NTM: variants seen among roughly 807,000 people sequenced by gnomAD.
NTM encodes IgLON family member 2.
In NTM, 13 loss-of-function variants were observed where a neutral mutation model predicts 42.1. The observed-to-expected ratio is 0.31, with a 90% confidence interval of 0.20 to 0.49. NTM has a LOEUF of 0.49. Among genes scored for constraint, NTM ranks in the 20% least tolerant of loss-of-function variants. The probability of loss-of-function intolerance (pLI) is 0.99; values close to 1 mark genes in which losing one functional copy is unlikely to be tolerated. For synonymous variants in NTM, 187 were observed against 179.2 expected (o/e 1.04, Z -0.35); for missense variants, 373 against 452.8 (o/e 0.82, Z 1.60).
rs115778298 is a variant in NTM, at chr11:132,326,704, A to T, written c.935-3449A>T. Among the ~76,000 whole-genome samples the T allele has an allele frequency of 6.2e-3, 945 of 152,354 alleles. 11 individuals are homozygous for T. Among genetic ancestry groups the T allele is most frequent in the African/African-American group, 0.022 (905 of 41,588 alleles). On this transcript the variant is annotated intron_variant, in intron 7 of 8. Transcript: ENST00000683400. ...TGACAGTTGGATTAGTACAGTCTTC[A>T]GTAGAGCTGCTAGACTCTTGTACAA...
chr11:132,295,369 G>A (rs74984494), intron 4 of NTM, among the ~76,000 whole-genome samples: 11 of 152,014 alleles, frequency 7.2e-5, no homozygotes, highest in Admixed American at 4.6e-4. Context: ...CCCCTTCTAC[G>A]TGCTAAACCT....
At chr11:132,187,911 C>G (rs1010140415) in intron 3 of NTM, among the ~76,000 whole-genome samples, 1 of 152,160 alleles carries the variant, frequency 6.6e-6, no homozygotes, top group African/African-American at 2.4e-5. Context: ...CAAAGAATTG[C>G]AATCTGTCCC....
chr11:132,132,627 T>C (rs763607723), intron 2 of NTM, among the ~76,000 whole-genome samples: 58 of 152,044 alleles, frequency 3.8e-4, no homozygotes, highest in Non-Finnish European at 7.4e-4. Flanking sequence ...TCCTGCGGAG[T>C]CCTTGATACT....
At chr11:132,251,954 A>G (rs139142116) in intron 4 of NTM, among the ~76,000 whole-genome samples, 1 of 152,324 alleles carries the variant, frequency 6.6e-6, no homozygotes, top group Non-Finnish European at 1.5e-5. Context: ...CAGGTGCTCC[A>G]AACCTGAGGC....
chr11:131,428,310 C>T (rs988739105), intron 1 of NTM, among the ~76,000 whole-genome samples: 2 of 152,228 alleles, frequency 1.3e-5, no homozygotes, highest in Non-Finnish European at 2.9e-5. Context: ...ACGTGAACAT[C>T]ACCGTAAGTT....
chr11:132,105,243 C>T (rs117252384), intron 2 of NTM, among the ~76,000 whole-genome samples: 4,224 of 151,632 alleles, frequency 0.028, 79 homozygotes, highest in Middle Eastern at 0.11. Context: ...TAAGATGGAA[C>T]GCCGTTTCCT....
At chr11:131,529,380 C>T (rs1413001777) in intron 1 of NTM, among the ~76,000 whole-genome samples, 6 of 152,224 alleles carry the variant, frequency 3.9e-5, no homozygotes, top group African/African-American at 1.4e-4. Flanking sequence ...CTTGCACGTG[C>T]ACACACAAGA....
Position 132,330,142 on chromosome 11 carries a change from A to ATTTCT in NTM, c.935-7_935-3dup. 1 of 1,551,576 alleles carries ATTTCT rather than the reference A, an allele frequency of 6.4e-7. No individual in the cohort carries two copies. On this transcript the variant is annotated splice_polypyrimidine_tract_variant and intron_variant, in intron 7 of 8. Transcript: ENST00000683400. ...CGACCTTAACAGTGGCTTGTTTTTA[A>ATTTCT]TTTCTTTTAGAAGTGAAAACTACAG...
At chr11:131,462,373 G>A (rs896768363) in intron 1 of NTM, among the ~76,000 whole-genome samples, 6 of 152,144 alleles carry the variant, frequency 3.9e-5, no homozygotes, top group Non-Finnish European at 5.9e-5. Context: ...ACTCAAAATG[G>A]TGACTTTTAC....
intron 1 of NTM, among the ~76,000 whole-genome samples, chr11:131,637,273 T>G (rs1265201368): frequency 1.3e-5 from 2 of 151,652 alleles, no homozygotes; most frequent in Non-Finnish European, 2.9e-5. Flanking sequence ...AAGGCCAGAG[T>G]CACCCTCTGT....
intron 2 of NTM, among the ~76,000 whole-genome samples, chr11:132,050,378 C>T (rs2078681390): frequency 6.6e-6 from 1 of 152,158 alleles, no homozygotes; most frequent in South Asian, 2.1e-4. Context: ...CAGCCCACCC[C>T]TACGAGGATT....
intron 1 of NTM, among the ~76,000 whole-genome samples, chr11:131,673,607 C>G (rs543435607): frequency 6.6e-6 from 1 of 152,314 alleles, no homozygotes; most frequent in Admixed American, 6.5e-5. Flanking sequence ...GCTTGCTGCT[C>G]TAATTTTGTC....
chr11:132,055,969 C>T (rs1247456599), intron 2 of NTM, among the ~76,000 whole-genome samples: 2 of 152,200 alleles, frequency 1.3e-5, no homozygotes, highest in South Asian at 2.1e-4. Context: ...TGTAGTTCTA[C>T]GTTAGAATAT....
At chr11:131,889,381 T>C (rs1024649182) in intron 1 of NTM, among the ~76,000 whole-genome samples, 1 of 152,148 alleles carries the variant, frequency 6.6e-6, no homozygotes, top group African/African-American at 2.4e-5. Flanking sequence ...CCCCAGCCCA[T>C]ACCCCCAGCC....
intron 3 of NTM, among the ~76,000 whole-genome samples, chr11:132,200,386 T>C (rs562514186): frequency 6.6e-6 from 1 of 152,300 alleles, no homozygotes; most frequent in South Asian, 2.1e-4. Context: ...CTGAAACTCT[T>C]CTCAGGGCTA....
At chr11:131,793,605 C>G (rs1003717870) in intron 1 of NTM, among the ~76,000 whole-genome samples, 5 of 152,186 alleles carry the variant, frequency 3.3e-5, no homozygotes, top group Admixed American at 3.3e-4. Context: ...AAAGTCTAAA[C>G]AGCACTTACC....
chr11:132,296,750 T>A (rs750167670), intron 4 of NTM, among the ~76,000 whole-genome samples: 7 of 152,158 alleles, frequency 4.6e-5, no homozygotes, highest in African/African-American at 9.7e-5. Context: ...AATCGGCTAT[T>A]CTTTTCCTTC....
chr11:132,136,874 G>C (rs1341582114), intron 2 of NTM, among the ~76,000 whole-genome samples: 1 of 152,276 alleles, frequency 6.6e-6, no homozygotes, highest in East Asian at 1.9e-4. Context: ...ACTAGCCCCA[G>C]AGATGAAGCC....
At chr11:131,468,698 G>A (rs187990747) in intron 1 of NTM, among the ~76,000 whole-genome samples, 4 of 152,304 alleles carry the variant, frequency 2.6e-5, no homozygotes, top group South Asian at 2.1e-4. Context: ...GATGTCTGTC[G>A]AGTTGTTAAC....
Sources: allele counts gnomAD v4.1 joint callset (sites outside exome capture counted in the v4.1 genomes callset), GRCh38; gene constraint gnomAD v4.1.1; transcripts MANE v1.5; gene names NCBI Gene and HGNC (gene_info 2026-07-23, HGNC 2026-07-21).